STPG2: variants seen among roughly 807,000 people sequenced by gnomAD.
STPG2 encodes sperm tail PG-rich repeat containing 2.
STPG2 carries 56 observed loss-of-function variants against 54.2 expected under a neutral mutation model. That is an observed-to-expected ratio of 1.03 (90% CI 0.83 to 1.29). STPG2 has a LOEUF of 1.29. Ranked by LOEUF, STPG2 falls within the 50% of genes most tolerant of loss-of-function variation. The pLI is 0.00. For synonymous variants in STPG2, 200 were observed against 181.8 expected (o/e 1.10, Z -0.81); for missense variants, 596 against 544.9 (o/e 1.09, Z -0.93).
At chr4:97,451,988 A>T (rs1729381953) in intron 4 of STPG2, among the ~76,000 whole-genome samples, 1 of 151,952 alleles carries the variant, frequency 6.6e-6, no homozygotes, top group Non-Finnish European at 1.5e-5. Context: ...AGCCTGCAGG[A>T]TCTGGGGACA....
At chr4:97,995,396 C>G (rs1015094690) in intron 5 of STPG2, among the ~76,000 whole-genome samples, 1 of 151,856 alleles carries the variant, frequency 6.6e-6, no homozygotes, top group African/African-American at 2.4e-5. Flanking sequence ...GAAAAGTATA[C>G]AATGTGGGTC....
intron 9 of STPG2, among the ~76,000 whole-genome samples, chr4:97,751,438 T>C (rs1725578248): frequency 6.6e-6 from 1 of 151,790 alleles, no homozygotes; most frequent in Non-Finnish European, 1.5e-5. Context: ...TATGGTGACA[T>C]GCAACTCATT....
chr4:98,006,820 G>C (rs1462764600), intron 5 of STPG2, among the ~76,000 whole-genome samples: 1 of 152,196 alleles, frequency 6.6e-6, no homozygotes, highest in African/African-American at 2.4e-5. Flanking sequence ...TGGGAACTGA[G>C]CCCAATCAGT....
chr4:97,895,363 C>A (rs1015997303), intron 8 of STPG2, among the ~76,000 whole-genome samples: 2 of 151,772 alleles, frequency 1.3e-5, no homozygotes, highest in Non-Finnish European at 3.0e-5. Flanking sequence ...GAGATATAGT[C>A]TAATTTATTG....
intron 10 of STPG2, among the ~76,000 whole-genome samples, chr4:97,561,922 G>A (rs931731692): frequency 1.3e-3 from 203 of 152,174 alleles, no homozygotes; most frequent in Middle Eastern, 6.8e-3. Flanking sequence ...TTGGCTATGC[G>A]GGCTCTTTTT....
chr4:97,687,087 C>T (rs1293836502), intron 10 of STPG2, among the ~76,000 whole-genome samples: 2 of 151,666 alleles, frequency 1.3e-5, no homozygotes, highest in East Asian at 1.9e-4. Context: ...ACTACAGGCG[C>T]TGGCCACCAC....
At chr4:97,689,374 C>T (rs533366708) in intron 10 of STPG2, among the ~76,000 whole-genome samples, 1 of 152,132 alleles carries the variant, frequency 6.6e-6, no homozygotes, top group African/African-American at 2.4e-5. Context: ...GTCATATATA[C>T]AGGAAGTATA....
chr4:97,665,831 G>A (rs1360786265), intron 10 of STPG2, among the ~76,000 whole-genome samples: 1 of 152,168 alleles, frequency 6.6e-6, no homozygotes, highest in Non-Finnish European at 1.5e-5. Context: ...GGTGCCAGGG[G>A]TTTGGCCTGT....
At chr4:97,753,761 G>A (rs1028290283) in intron 9 of STPG2, among the ~76,000 whole-genome samples, 2 of 151,978 alleles carry the variant, frequency 1.3e-5, no homozygotes, top group South Asian at 2.1e-4. Context: ...CTAAACTAGT[G>A]ATGGTCAGGG....
intron 8 of STPG2, among the ~76,000 whole-genome samples, chr4:97,851,223 C>A (rs914196264): frequency 3.3e-5 from 5 of 152,166 alleles, no homozygotes; most frequent in African/African-American, 1.2e-4. Flanking sequence ...GTTCAGAAAG[C>A]CTCTATTTTG....
chr4:97,539,950 C>A (rs1277640886), intron 4 of STPG2, among the ~76,000 whole-genome samples: 1 of 152,096 alleles, frequency 6.6e-6, no homozygotes, highest in African/African-American at 2.4e-5. Flanking sequence ...CACAACATAC[C>A]AGAATCTCTG....
At chr4:97,902,669 A>T (rs770027967) in intron 8 of STPG2, among the ~76,000 whole-genome samples, 1 of 152,182 alleles carries the variant, frequency 6.6e-6, no homozygotes, top group Non-Finnish European at 1.5e-5. Context: ...GGATGTGTAG[A>T]AAAGAAAGCT....
intron 7 of STPG2, among the ~76,000 whole-genome samples, chr4:97,961,022 G>A (rs148523705): frequency 6.6e-6 from 1 of 151,684 alleles, no homozygotes; most frequent in Non-Finnish European, 1.5e-5. Context: ...GAACAGAATA[G>A]AGAACTCGGA....
chr4:97,886,035 A>T (rs1730554219), intron 8 of STPG2, among the ~76,000 whole-genome samples: 1 of 152,232 alleles, frequency 6.6e-6, no homozygotes, highest in African/African-American at 2.4e-5. Context: ...TGCAATAGGC[A>T]AAGATCAAAG....
intron 10 of STPG2, among the ~76,000 whole-genome samples, chr4:97,681,239 A>G (rs750969737): frequency 4.6e-4 from 70 of 152,022 alleles, no homozygotes; most frequent in Non-Finnish European, 3.4e-4. Flanking sequence ...TTTGAATGAT[A>G]TTGAGTGTTG....
intron 8 of STPG2, among the ~76,000 whole-genome samples, chr4:97,908,060 C>T (rs1254261119): frequency 6.6e-6 from 1 of 151,902 alleles, no homozygotes; most frequent in African/African-American, 2.4e-5. Context: ...GCAAAAGAAA[C>T]TACCATCAGA....
At chr4:97,963,565 G>T (rs1169418633) in intron 7 of STPG2, among the ~76,000 whole-genome samples, 1 of 151,888 alleles carries the variant, frequency 6.6e-6, no homozygotes, top group African/African-American at 2.4e-5. Context: ...TGAAGCAGGA[G>T]GATCACTTGA....
intron 9 of STPG2, among the ~76,000 whole-genome samples, chr4:97,799,588 C>T (rs558827620): frequency 3.9e-5 from 6 of 152,170 alleles, no homozygotes; most frequent in Admixed American, 6.5e-5. Context: ...GTGGGTAACC[C>T]GACCTTTCTC....
chr4:98,085,275 CTAAT>C (rs1480260784), intron 5 of STPG2, among the ~76,000 whole-genome samples: 2 of 152,048 alleles, frequency 1.3e-5, no homozygotes, highest in Non-Finnish European at 2.9e-5. Flanking sequence ...TCTGTACTCT[CTAAT>C]TTTTACTGTC....
Sources: gnomAD v4.1 joint callset for allele counts (sites outside exome capture counted in the v4.1 genomes callset) on GRCh38, gnomAD v4.1.1 for gene constraint, MANE v1.5 for transcripts, NCBI Gene and HGNC (gene_info 2026-07-23, HGNC 2026-07-21) for gene names.